Variants in NRG4 observed in about 807,000 individuals in gnomAD.
The protein encoded by NRG4 is neuregulin 4, also known as pro-neuregulin-4, membrane-bound isoform.
A neutral mutation model predicts 15.0 loss-of-function variants in NRG4; 10 were observed. That is an observed-to-expected ratio of 0.67 (90% CI 0.41 to 1.13). The LOEUF is 1.13. Among genes scored for constraint, NRG4 ranks in the 50% most tolerant of loss-of-function variants. The pLI, the probability that NRG4 is intolerant of heterozygous loss-of-function variation, is 0.00. For synonymous variants in NRG4, 41 were observed against 50.1 expected, an observed-to-expected ratio of 0.82 and a Z score of 0.77; for missense variants, 139 against 140.2, an observed-to-expected ratio of 0.99 and a Z score of 0.04.
chr15:75,988,494 C>T (rs1234957487), intron 3 of NRG4, among the ~76,000 whole-genome samples: 4 of 152,170 alleles, frequency 2.6e-5, no homozygotes, highest in African/African-American at 9.7e-5. Flanking sequence ...GCCTACAACT[C>T]CTTCTAATGT....
intron 5 of NRG4, among the ~76,000 whole-genome samples, chr15:76,025,832 G>A (rs138203033): frequency 0.037 from 5,609 of 151,464 alleles, 182 homozygotes; most frequent in African/African-American, 0.085. Flanking sequence ...AGCCAAAATC[G>A]CATCACTGCA....
At chr15:75,991,196 G>A (rs530743771) in intron 3 of NRG4, among the ~76,000 whole-genome samples, 79 of 152,166 alleles carry the variant, frequency 5.2e-4, no homozygotes, top group Middle Eastern at 3.4e-3. Flanking sequence ...TAGGCTTTGC[G>A]GGCCATACAG....
At chr15:76,024,373 A>G (rs2141932227) in intron 5 of NRG4, among the ~76,000 whole-genome samples, 1 of 152,292 alleles carries the variant, frequency 6.6e-6, no homozygotes, top group East Asian at 1.9e-4. Flanking sequence ...TAGGCCAGAG[A>G]AACAACTCCA....
At chr15:75,971,413 C>T (rs2033085289) in intron 3 of NRG4, among the ~76,000 whole-genome samples, 1 of 152,114 alleles carries the variant, frequency 6.6e-6, no homozygotes, top group South Asian at 2.1e-4. Context: ...AAATGTTATG[C>T]CCACTGGGAA....
chr15:76,057,260 A>G (rs2036176550), intron 1 of NRG4: 3 of 152,040 alleles, frequency 2.0e-5, no homozygotes, highest in African/African-American at 7.2e-5. Flanking sequence ...CTGATATTAG[A>G]TTTCAAGGTG....
chr15:76,013,584 C>T (rs183840849), upstream of NRG4, among the ~76,000 whole-genome samples: 14 of 152,066 alleles, frequency 9.2e-5, no homozygotes, highest in Admixed American at 7.9e-4. Context: ...CCTATGAGAA[C>T]ATGCGGTGTT....
At position 76,000,326 on chromosome 15, in the gene NRG4, A is replaced by G. The variant is rs533618407; in HGVS notation, c.104+8874T>C. 2.0e-5 allele frequency among the ~76,000 whole-genome samples: 3 copies of G among 152,364 alleles called. No homozygotes were observed. In the East Asian group the frequency reaches 5.8e-4, roughly 29 times the overall value. ...GTAAAAGGAAAAATAAGCTATAAAT[A>G]ATTATCTATAATTGATATTATAGAC... On this transcript the variant is annotated intron_variant, in intron 3 of 5. Coordinates refer to ENST00000394907, the MANE Select transcript of NRG4 (RefSeq NM_138573.4).
At chr15:75,946,982 G>T (rs2031564714) in intron 5 of NRG4, among the ~76,000 whole-genome samples, 1 of 152,066 alleles carries the variant, frequency 6.6e-6, no homozygotes, top group African/African-American at 2.4e-5. Flanking sequence ...TCCACCTTTT[G>T]GCTACTGTAA....
chr15:76,005,198 G>C (rs1036155038), intron 3 of NRG4, among the ~76,000 whole-genome samples: 5 of 151,752 alleles, frequency 3.3e-5, no homozygotes, highest in Admixed American at 6.6e-5. Flanking sequence ...GACCAGCCTA[G>C]TCAACAGCAA....
At chr15:75,970,021 C>CT (rs1406705439) in intron 3 of NRG4, among the ~76,000 whole-genome samples, 1 of 152,114 alleles carries the variant, frequency 6.6e-6, no homozygotes, top group African/African-American at 2.4e-5. Context: ...GCATTCTGAA[C>CT]TTTTTTCTTT....
At chr15:75,996,269 T>C (rs1259287411) in intron 3 of NRG4, among the ~76,000 whole-genome samples, 1 of 152,096 alleles carries the variant, frequency 6.6e-6, no homozygotes, top group African/African-American at 2.4e-5. Flanking sequence ...TCCCTCACAA[T>C]GTACTTCATT....
In NRG4 at chr15:76,048,141, A is replaced by G. The variant is rs1233681544; in HGVS notation, c.-105+3926T>C. On this transcript the variant is annotated intron_variant, in intron 4 of 8. Coordinates refer to the NRG4 transcript ENST00000563910. ...TCACTGTACTCCTGGGTGACAAGAG[A>G]AACCCTGTTTCAAAAAAAAAAAAAA... Among the ~76,000 whole-genome samples, 2 of 148,944 alleles carry G rather than the reference A, an allele frequency of 1.3e-5. 1 individual carries two copies. The highest frequency in any genetic ancestry group is 5.1e-5 in the African/African-American group (2 of 39,078).
At chr15:75,978,023 G>C (rs1466783629) in intron 3 of NRG4, among the ~76,000 whole-genome samples, 3 of 151,960 alleles carry the variant, frequency 2.0e-5, no homozygotes, top group African/African-American at 7.3e-5. Context: ...CACCATGTTG[G>C]CCAGGCTGGT....
In NRG4 at chr15:76,032,248, G is replaced by C. The variant is rs551587715; in HGVS notation, c.-57+3696C>G. On this transcript the variant is annotated intron_variant, in intron 5 of 8. Transcript: ENST00000563910. ...AAGAATCACCTTAGATGCTGACTTTGCAAGTCTTACAATATTGTTAGTTTT... is the reference window on the plus strand; with the variant it reads ...AAGAATCACCTTAGATGCTGACTTTCCAAGTCTTACAATATTGTTAGTTTT... 2.0e-5 allele frequency among the ~76,000 whole-genome samples: 3 copies of C among 152,166 alleles called. No individual in the cohort carries two copies. In the East Asian group the frequency reaches 5.8e-4, roughly 29 times the overall value.
intron 5 of NRG4, among the ~76,000 whole-genome samples, chr15:75,952,053 C>A (rs1328304127): frequency 2.6e-5 from 4 of 151,984 alleles, no homozygotes; most frequent in African/African-American, 9.7e-5. Flanking sequence ...TCATTTTTTT[C>A]TAAATAGTTA....
At position 75,961,808 on chromosome 15, in the gene NRG4, C is replaced by A. The variant is rs751023365; in HGVS notation, c.251+20G>T. 2.5e-6 allele frequency: 4 copies of A among 1,581,758 alleles called. No individual in the cohort carries two copies. Reference sequence around the variant, plus strand: ...CTTTATGTATTACTTTTCTCAAAAGCATGTTTCTATTTTACTTACCTGCAA... The same window carrying A: ...CTTTATGTATTACTTTTCTCAAAAGAATGTTTCTATTTTACTTACCTGCAA... On this transcript the variant is annotated intron_variant, in intron 4 of 5. Coordinates refer to ENST00000394907, the MANE Select transcript of NRG4 (RefSeq NM_138573.4).
upstream of NRG4, among the ~76,000 whole-genome samples, chr15:76,014,652 G>A (rs1430593747): frequency 6.6e-6 from 1 of 152,166 alleles, no homozygotes; most frequent in Non-Finnish European, 1.5e-5. Flanking sequence ...TCAGATGGTT[G>A]TAGATGGGTG....
downstream of NRG4, chr15:75,935,472 T>G (rs2141730258): frequency 6.6e-6 from 1 of 152,212 alleles, no homozygotes; most frequent in Middle Eastern, 3.4e-3. Context: ...CAAAATAATT[T>G]CTGGGGCTAG....
intron 4 of NRG4, among the ~76,000 whole-genome samples, chr15:75,960,530 G>A (rs951762545): frequency 1.3e-5 from 2 of 152,196 alleles, no homozygotes; most frequent in Non-Finnish European, 2.9e-5. Flanking sequence ...GAATGCCTGG[G>A]ATGGCTCATT....
Sources: allele counts gnomAD v4.1 joint callset (sites outside exome capture counted in the v4.1 genomes callset), GRCh38; gene constraint gnomAD v4.1.1; transcripts MANE v1.5; gene names NCBI Gene and HGNC (gene_info 2026-07-23, HGNC 2026-07-21).